The following SNX13 variants were observed in gnomAD, a reference collection of about 807,000 sequenced individuals.
SNX13 encodes the protein sorting nexin 13.
In SNX13, 45 loss-of-function variants were observed where a neutral mutation model predicts 133.6. The ratio of observed to expected loss-of-function variants is 0.34; its 90% confidence interval spans 0.27 to 0.43. The LOEUF is 0.43. SNX13 is among the 20% of genes least tolerant of loss of function. SNX13 has a pLI of 1.00. For synonymous variants in SNX13, 414 were observed against 373.9 expected, an observed-to-expected ratio of 1.11 and a Z score of -1.24; for missense variants, 1,032 against 1,145.1, an observed-to-expected ratio of 0.90 and a Z score of 1.43.
intron 5 of SNX13, chr7:17,889,143 A>G (rs1796339945): frequency 6.5e-6 from 1 of 153,996 alleles, no homozygotes; most frequent in Non-Finnish European, 1.4e-5. Context: ...TATGAAATAA[A>G]AGAGATTAAA....
intron 5 of SNX13, chr7:17,881,293 T>C (rs1375233176): frequency 6.6e-6 from 1 of 150,428 alleles, no homozygotes; most frequent in Non-Finnish European, 1.5e-5. Flanking sequence ...ATTTTAGAAC[T>C]GAAAGGAATC....
In SNX13 at chr7:17,816,241, TAA is replaced by T; in HGVS notation, c.1892_1893del (p.Phe631Ter). The T allele has an allele frequency of 6.5e-7, 1 of 1,543,530 alleles. No homozygotes were observed. The highest frequency in any genetic ancestry group is 8.8e-7 in the Non-Finnish European group (1 of 1,142,594). On this transcript the variant is annotated frameshift_variant, in exon 19 of 26. Transcript: ENST00000428135. LOFTEE classifies it high-confidence loss of function. ...TCTAAAAAATCTCTATCCATATTAT[TAA>T]AAGTCTTTTTTCCAGGAAGTTTCAA... ...SILKLPGKKTFNNMDRDFLEK... is the reference protein window; with the variant it reads ...SILKLPGKKTXNNMDRDFLEK...
chr7:17,900,937 T>C (rs941216879), intron 1 of SNX13, among the ~76,000 whole-genome samples: 2 of 152,028 alleles, frequency 1.3e-5, no homozygotes, highest in African/African-American at 4.8e-5. Flanking sequence ...AAAGCCAGCA[T>C]GTCTCTGAAT....
At chr7:17,890,088 GAA>G in intron 5 of SNX13, 1 of 245,818 alleles carries the variant, frequency 4.1e-6, no homozygotes, top group Non-Finnish European at 7.7e-6. Context: ...TAACAGATTT[GAA>G]AAGTCACCTG....
At chr7:17,814,687 T>G in intron 20 of SNX13, 147 bp downstream of exon 20, 1 of 588,260 alleles carries the variant, frequency 1.7e-6, no homozygotes, top group Non-Finnish European at 2.8e-6. Context: ...TAGATATTCC[T>G]ACCAATAGTG....
intron 16 of SNX13, among the ~76,000 whole-genome samples, chr7:17,826,857 G>C (rs1322277880): frequency 6.6e-6 from 1 of 151,980 alleles, no homozygotes; most frequent in African/African-American, 2.4e-5. Context: ...ATTAAAGCAG[G>C]CTGCAGAGTT....
chr7:17,878,673 G>T (rs954876198), intron 5 of SNX13, among the ~76,000 whole-genome samples: 1 of 152,014 alleles, frequency 6.6e-6, no homozygotes, highest in Non-Finnish European at 1.5e-5. Flanking sequence ...TTTAAAATAG[G>T]ATATATACAG....
intron 9 of SNX13, among the ~76,000 whole-genome samples, chr7:17,863,513 C>T (rs1792998152): frequency 6.6e-6 from 1 of 152,186 alleles, no homozygotes; most frequent in South Asian, 2.1e-4. Flanking sequence ...AGGCAGATTG[C>T]TGAAACCCAA....
intron 1 of SNX13, among the ~76,000 whole-genome samples, chr7:17,916,810 C>G (rs777239216): frequency 6.6e-5 from 10 of 152,106 alleles, no homozygotes; most frequent in Non-Finnish European, 1.0e-4. Flanking sequence ...CTAACTCATT[C>G]TACAAAACCA....
chr7:17,805,250 T>TGTGTGA, intron 20 of SNX13, among the ~76,000 whole-genome samples: 1 of 95,560 alleles, frequency 1.0e-5, no homozygotes, highest in Non-Finnish European at 2.5e-5. Context: ...TGTGTGTGTG[T>TGTGTGA]GCGTGCGCGC....
intron 9 of SNX13, among the ~76,000 whole-genome samples, chr7:17,866,737 T>C (rs912070875): frequency 1.3e-5 from 2 of 152,140 alleles, no homozygotes; most frequent in Non-Finnish European, 2.9e-5. Context: ...AAAGAAGGAA[T>C]GGCTAATGGG....
intron 1 of SNX13, among the ~76,000 whole-genome samples, chr7:17,902,617 C>G (rs1052673176): frequency 2.0e-5 from 3 of 152,052 alleles, no homozygotes; most frequent in Non-Finnish European, 4.4e-5. Flanking sequence ...TAATTTTCTT[C>G]TATATAAGAA....
intron 5 of SNX13, chr7:17,879,635 G>T (rs4142995): frequency 0.5 from 75,577 of 151,998 alleles, 20,387 homozygotes; most frequent in African/African-American, 0.71. Flanking sequence ...GCAAGTAAAG[G>T]CCCAAATATG....
rs557382725 is a variant in SNX13, at chr7:17,913,722, CA to C, written c.13-16277del. 2.5e-4 allele frequency among the ~76,000 whole-genome samples: 20 copies of C among 81,618 alleles called. No homozygotes were observed. In the South Asian group the frequency reaches 7.9e-3, roughly 32 times the overall value. 53.5% of individuals were successfully genotyped at this position (81,618 alleles called of 152,430 possible). On this transcript the variant is annotated intron_variant, in intron 1 of 25. Coordinates refer to ENST00000428135, the MANE Select transcript of SNX13 (RefSeq NM_015132.5). ...TCAAGGGAAAACAGAAATTAAAAAT[CA>C]AAAAGCCCGAGCCAAACAATAGCAA...
chr7:17,937,777 CTAAG>C (rs1408436724), intron 1 of SNX13, among the ~76,000 whole-genome samples: 1 of 152,134 alleles, frequency 6.6e-6, no homozygotes, highest in Non-Finnish European at 1.5e-5. Flanking sequence ...TTATACAACT[CTAAG>C]TAAGCTCTTT....
intron 1 of SNX13, among the ~76,000 whole-genome samples, chr7:17,926,067 A>G (rs1401811138): frequency 1.3e-5 from 2 of 152,194 alleles, no homozygotes; most frequent in Non-Finnish European, 2.9e-5. Context: ...TCAGCAATTT[A>G]CCTTAAAATA....
At chr7:17,815,499 C>A (rs1786558554) in intron 19 of SNX13, among the ~76,000 whole-genome samples, 1 of 152,146 alleles carries the variant, frequency 6.6e-6, no homozygotes, top group African/African-American at 2.4e-5. Context: ...GCAGGATGAT[C>A]CCTCGAGCCC....
intron 9 of SNX13, among the ~76,000 whole-genome samples, chr7:17,856,275 A>C (rs779767766): frequency 1.3e-5 from 2 of 152,254 alleles, no homozygotes; most frequent in Non-Finnish European, 2.9e-5. Flanking sequence ...AATTTAAGGT[A>C]TCTTTTGTAA....
intron 11 of SNX13, 28 bp from the exon 12 acceptor site, chr7:17,845,722 T>C (rs751782897): frequency 1.4e-6 from 2 of 1,398,158 alleles, no homozygotes; most frequent in Non-Finnish European, 2.0e-6. Flanking sequence ...TATAAGTTAA[T>C]ATTTTATCTA....
Sources: gnomAD v4.1 joint callset for allele counts (sites outside exome capture counted in the v4.1 genomes callset) on GRCh38, gnomAD v4.1.1 for gene constraint, MANE v1.5 for transcripts, NCBI Gene and HGNC (gene_info 2026-07-23, HGNC 2026-07-21) for gene names.